LRRK2: variants seen among roughly 807,000 people sequenced by gnomAD.
LRRK2 encodes the protein leucine-rich repeat serine/threonine-protein kinase 2.
In LRRK2, 203 loss-of-function variants were observed where a neutral mutation model predicts 302.6. The observed-to-expected ratio is 0.67, with a 90% CI of 0.60 to 0.75. LRRK2 has a LOEUF of 0.75. Among genes scored for constraint, LRRK2 ranks in the 30% least tolerant of loss-of-function variants. The pLI is 0.00. For synonymous variants in LRRK2, 1,066 were observed against 1,031.9 expected, an observed-to-expected ratio of 1.03 and a Z score of -0.63; for missense variants, 2,830 against 2,951.0, an observed-to-expected ratio of 0.96 and a Z score of 0.95.
At chr12:40,298,938 G>A (rs930388772) in intron 24 of LRRK2, among the ~76,000 whole-genome samples, 171 bp from the exon 25 acceptor site, 6 of 130,338 alleles carry the variant, frequency 4.6e-5, no homozygotes, top group Non-Finnish European at 6.4e-5. Flanking sequence ...ATAAAAGACC[G>A]AGGCAATGAA....
intron 18 of LRRK2, 87 bp downstream of exon 18, chr12:40,278,348 C>T (rs556548994): frequency 1.4e-6 from 2 of 1,470,930 alleles, no homozygotes; most frequent in East Asian, 2.3e-5. Flanking sequence ...TTACTTATAT[C>T]ATATTATTCT....
intron 31 of LRRK2, among the ~76,000 whole-genome samples, chr12:40,312,102 G>T (rs1438395071): frequency 1.3e-5 from 2 of 151,888 alleles, no homozygotes; most frequent in Non-Finnish European, 2.9e-5. Flanking sequence ...AGTTTGTTTT[G>T]AAAAGGCCTG....
intron 5 of LRRK2, among the ~76,000 whole-genome samples, chr12:40,240,166 T>G (rs1165690661): frequency 1.3e-5 from 2 of 152,204 alleles, no homozygotes; most frequent in Non-Finnish European, 2.9e-5. Context: ...TATTAGTCAC[T>G]GTCAGTTTTC....
Position 40,348,539 on chromosome 12 carries a change from A to T in LRRK2, c.6381+30A>T, listed in dbSNP as rs72546332. Reference sequence around the variant, plus strand: ...TCTTAAAGTTTTGTTAATATTTTGTACAGAACATCATTTGCATATATGCAT... The same window carrying T: ...TCTTAAAGTTTTGTTAATATTTTGTTCAGAACATCATTTGCATATATGCAT... On this transcript the variant is annotated intron_variant, in intron 43 of 50. Transcript: ENST00000298910. The T allele has an allele frequency of 7.7e-6, 11 of 1,429,652 alleles. No homozygotes were observed. In the African/African-American group the frequency reaches 1.5e-4, roughly 20 times the overall value. 88.6% of individuals were successfully genotyped at this position (1,429,652 alleles called of 1,614,324 possible).
intron 12 of LRRK2, among the ~76,000 whole-genome samples, chr12:40,257,681 AT>A (rs1406453790): frequency 6.6e-6 from 1 of 152,212 alleles, no homozygotes; most frequent in Non-Finnish European, 1.5e-5. Flanking sequence ...TTTTCTAATT[AT>A]TGTGTGTGTG....
chr12:40,316,341 C>A (rs934968799), intron 33 of LRRK2: 9 of 985,082 alleles, frequency 9.1e-6, no homozygotes, highest in Non-Finnish European at 1.1e-5. Flanking sequence ...CCATGGAACT[C>A]AAGAGCATAT....
In LRRK2 at chr12:40,274,570, C is replaced by T. The variant is rs201231550; in HGVS notation, c.1657-13C>T. The stretch of plus-strand genomic sequence containing the variant: ...GATCTCATTTTTAACAGCGAGTATT[C>T]TTTTGATTTTAGTTCATTGGAAATC... On this transcript the variant is annotated splice_polypyrimidine_tract_variant and intron_variant, in intron 14 of 50. Coordinates refer to ENST00000298910, the MANE Select transcript of LRRK2 (RefSeq NM_198578.4). The T allele has an allele frequency of 6.2e-7, 1 of 1,613,132 alleles. No homozygotes were observed. The highest frequency in any genetic ancestry group is 8.5e-7 in the Non-Finnish European group (1 of 1,179,634).
At chr12:40,292,800 T>C (rs984326178) in intron 20 of LRRK2, among the ~76,000 whole-genome samples, 4 of 151,982 alleles carry the variant, frequency 2.6e-5, no homozygotes, top group Admixed American at 1.3e-4. Flanking sequence ...ATTCACATTA[T>C]TTATCTTTAA....
chr12:40,304,302 A>T (rs1325893006), intron 27 of LRRK2, 168 bp downstream of exon 27: 1 of 655,660 alleles, frequency 1.5e-6, no homozygotes, highest in Non-Finnish European at 2.6e-6. Flanking sequence ...TAAATTTAAA[A>T]ATAAGAACAG....
In LRRK2 at chr12:40,249,854, C is replaced by T. The variant is rs17490713; in HGVS notation, c.867C>T (p.Asn289=). ...LGNFFNILVL[N]EVHEFVVKAV... Reference sequence around the variant, plus strand: ...ATTTTTTCAATATCCTGGTATTAAACGAAGTCCATGAGTTTGTGGTGAAAG... The same window carrying T: ...ATTTTTTCAATATCCTGGTATTAAATGAAGTCCATGAGTTTGTGGTGAAAG... Residue 289 remains asparagine (N), a synonymous_variant, in exon 8 of 51, where the codon AAC becomes AAT. Coordinates refer to ENST00000298910, the MANE Select transcript of LRRK2 (RefSeq NM_198578.4). 3,778 of 1,613,648 alleles carry T rather than the reference C, an allele frequency of 2.3e-3. 82 individuals are homozygous for T. The African/African-American group carries it at 0.041, about 18-fold the overall frequency.
intron 38 of LRRK2, among the ~76,000 whole-genome samples, chr12:40,327,831 G>A (rs1717973024): frequency 6.6e-6 from 1 of 152,128 alleles, no homozygotes; most frequent in South Asian, 2.1e-4. Context: ...GTTAGCCGTG[G>A]GGTTAGACCA....
At position 40,225,214 on chromosome 12, in the gene LRRK2, A is replaced by G; in HGVS notation, c.83A>G (p.Glu28Gly). Residue 28 changes from glutamate to glycine, a missense_variant, in exon 1 of 51, where the codon GAA becomes GGA. By Grantham distance (98) the Glu-to-Gly change is moderately conservative. Coordinates refer to ENST00000298910, the MANE Select transcript of LRRK2 (RefSeq NM_198578.4). ...KLIVRLNNVQ[E>G]GKQIETLVQI... ...ATAGTCAGGCTGAACAATGTCCAGG[A>G]AGGAAAACAGATAGAAACGCTGGTC... 6.2e-7 allele frequency: 1 copy of G among 1,614,212 alleles called. No homozygotes were observed.
intron 5 of LRRK2, among the ~76,000 whole-genome samples, chr12:40,239,686 G>A (rs10784444): frequency 0.51 from 76,868 of 151,860 alleles, 20,681 homozygotes; most frequent in South Asian, 0.63. Context: ...ATTTGAAAGT[G>A]TACTGTGGAA....
chr12:40,348,802 A>T (rs567467823), intron 43 of LRRK2, among the ~76,000 whole-genome samples: 181 of 152,138 alleles, frequency 1.2e-3, no homozygotes, highest in South Asian at 8.1e-3. Flanking sequence ...TCAGAAAAAA[A>T]TTTTTATATA....
chr12:40,234,681 A>G (rs1941370974), intron 3 of LRRK2, among the ~76,000 whole-genome samples: 1 of 151,894 alleles, frequency 6.6e-6, no homozygotes, highest in Non-Finnish European at 1.5e-5. Flanking sequence ...CCGGCCCACT[A>G]CTTTTTAATA....
intron 11 of LRRK2, among the ~76,000 whole-genome samples, chr12:40,254,904 T>C (rs1375560097): frequency 1.3e-5 from 2 of 152,180 alleles, no homozygotes; most frequent in Non-Finnish European, 1.5e-5. Flanking sequence ...TCATCAACTT[T>C]CTTGGGCAAT....
intron 14 of LRRK2, among the ~76,000 whole-genome samples, chr12:40,267,078 A>T (rs144463374): frequency 0.062 from 9,366 of 152,188 alleles, 426 homozygotes; most frequent in African/African-American, 0.13. Context: ...GCACATGTAT[A>T]CATATGTAAC....
At chr12:40,236,171 C>T (rs1941457459) in intron 4 of LRRK2, among the ~76,000 whole-genome samples, 1 of 152,076 alleles carries the variant, frequency 6.6e-6, no homozygotes, top group Non-Finnish European at 1.5e-5. Context: ...AATATATGTT[C>T]TGGAGTATGC....
intron 7 of LRRK2, among the ~76,000 whole-genome samples, chr12:40,247,479 T>C (rs886151207): frequency 1.0e-4 from 15 of 146,866 alleles, no homozygotes; most frequent in Admixed American, 5.5e-4. Flanking sequence ...ATACACATTG[T>C]ATATAAATGT....
Sources: gnomAD v4.1 joint callset for allele counts (sites outside exome capture counted in the v4.1 genomes callset) on GRCh38, gnomAD v4.1.1 for gene constraint, MANE v1.5 for transcripts, NCBI Gene and HGNC (gene_info 2026-07-23, HGNC 2026-07-21) for gene names.